The following CELF2 variants were observed in gnomAD, a reference collection of about 807,000 sequenced individuals.
CELF2 encodes the protein CUGBP Elav-like family member 2, also known as CUG triplet repeat RNA-binding protein 2.
In CELF2, 8 loss-of-function variants were observed where a neutral mutation model predicts 62.6. The observed-to-expected ratio is 0.13, with a 90% CI of 0.07 to 0.23. The LOEUF is 0.23. Among genes scored for constraint, CELF2 ranks in the 10% least tolerant of loss-of-function variants. The pLI is 1.00. For synonymous variants in CELF2, 258 were observed against 250.0 expected (o/e 1.03, Z -0.30); for missense variants, 333 against 671.0 (o/e 0.50, Z 5.56).
the CELF2 span, among the ~76,000 whole-genome samples, chr10:10,500,659 A>G: frequency 6.6e-6 from 1 of 152,114 alleles, no homozygotes; most frequent in Non-Finnish European, 1.5e-5. Context: ...TGTCTTTCTC[A>G]GCAGCATGAA....
At chr10:11,034,437 G>A (rs1593610469) in intron 1 of CELF2, among the ~76,000 whole-genome samples, 1 of 152,222 alleles carries the variant, frequency 6.6e-6, no homozygotes, top group African/African-American at 2.4e-5. Flanking sequence ...AAGAACACTG[G>A]AAGAAACTGT....
At chr10:11,294,938 G>A (rs1246961408) in intron 9 of CELF2, among the ~76,000 whole-genome samples, 3 of 152,084 alleles carry the variant, frequency 2.0e-5, no homozygotes, top group Admixed American at 6.5e-5. Context: ...TCTGTCAAAC[G>A]TCTTTTCATT....
upstream of CELF2, among the ~76,000 whole-genome samples, chr10:11,014,165 TA>T (rs1320684677): frequency 6.6e-6 from 1 of 152,170 alleles, no homozygotes; most frequent in African/African-American, 2.4e-5. Context: ...GCAAATGTGA[TA>T]GGGGAAAGAT....
intron 1 of CELF2, among the ~76,000 whole-genome samples, chr10:10,912,960 T>C (rs1591827138): frequency 6.6e-6 from 1 of 152,196 alleles, no homozygotes. Flanking sequence ...TTTCTAAGGA[T>C]TAAGTGAGTG....
rs1217462863 is a variant in CELF2, at chr10:11,227,894, A to G, written c.354+10387A>G. ...ACTGTGGGTCGCTGGGTGTATTTTA[A>G]TCTGTGACATTCCACACTTTGTGTA... On this transcript the variant is annotated intron_variant, in intron 3 of 12. Coordinates refer to ENST00000633077, the MANE Select transcript of CELF2 (RefSeq NM_001326342.2). This position sits in a 1 kb window ranked among gnomAD's most constrained non-coding sequence, Gnocchi z 4.8. Among the ~76,000 whole-genome samples, 2 of 152,154 alleles carry G rather than the reference A, an allele frequency of 1.3e-5. No homozygotes were observed. The highest frequency in any genetic ancestry group is 2.4e-5 in the African/African-American group (1 of 41,436).
At chr10:10,801,075 T>TA (rs57647636) in intron 1 of CELF2, among the ~76,000 whole-genome samples, 80,698 of 150,716 alleles carry the variant, frequency 0.54, 21,543 homozygotes, top group African/African-American at 0.57. Context: ...AACCCGTTTT[T>TA]AAAAAAAAAA....
At chr10:10,910,699 C>CAAAAAAAAAAAAAA (rs55954207) in intron 1 of CELF2, among the ~76,000 whole-genome samples, 1 of 92,240 alleles carries the variant, frequency 1.1e-5, no homozygotes, top group African/African-American at 3.9e-5. Flanking sequence ...GACTCTGCCT[C>CAAAAAAAAAAAAAA]AAAAAAAAAA....
the CELF2 span, among the ~76,000 whole-genome samples, chr10:10,556,035 AT>A: frequency 1.5e-4 from 23 of 151,738 alleles, no homozygotes; most frequent in African/African-American, 3.6e-4. Flanking sequence ...ACATTTTAAA[AT>A]TTTTTTTTAT....
At position 11,331,647 on chromosome 10, in the gene CELF2, C is replaced by T. The variant is rs1387606872; in HGVS notation, c.*2594C>T. The T allele has an allele frequency of 1.3e-5, 2 of 151,888 alleles. No homozygotes were observed. The highest frequency in any genetic ancestry group is 2.4e-5 in the African/African-American group (1 of 41,250). The allele number at this position is 151,888 out of a possible 1,614,324, so 9.4% of individuals were successfully genotyped here. Reference sequence around the variant, plus strand: ...AAAAAAAGGTTACAAAGTTTGTTAACTTGCTATCCTGTGGTCTTGTTGCCT... The same window carrying T: ...AAAAAAAGGTTACAAAGTTTGTTAATTTGCTATCCTGTGGTCTTGTTGCCT... On this transcript the variant is annotated 3_prime_UTR_variant, in exon 13 of 13. Transcript: ENST00000633077.
chr10:11,293,588 G>T (rs552686714), intron 9 of CELF2, among the ~76,000 whole-genome samples: 1 of 152,168 alleles, frequency 6.6e-6, no homozygotes, highest in Non-Finnish European at 1.5e-5. Flanking sequence ...TTCTGCAGAC[G>T]TCACCCCTCT....
intron 1 of CELF2, among the ~76,000 whole-genome samples, chr10:10,880,726 G>C (rs1414846567): frequency 6.6e-6 from 1 of 152,224 alleles, no homozygotes; most frequent in Admixed American, 6.5e-5. Flanking sequence ...TTTAGGCAGA[G>C]TGGAGTGGAA....
At chr10:11,266,335 A>G (rs7072651) in intron 5 of CELF2, among the ~76,000 whole-genome samples, 11,155 of 152,278 alleles carry the variant, frequency 0.073, 439 homozygotes, top group Middle Eastern at 0.2. Flanking sequence ...ACAGTACCCA[A>G]CTTCCTCCCC....
intron 1 of CELF2, among the ~76,000 whole-genome samples, chr10:10,912,015 C>A (rs950270993): frequency 6.6e-6 from 1 of 152,230 alleles, no homozygotes; most frequent in Non-Finnish European, 1.5e-5. Flanking sequence ...CAAACACAGG[C>A]TGCCCTTCTT....
chr10:10,865,516 T>A (rs2060299483), intron 1 of CELF2, among the ~76,000 whole-genome samples: 1 of 152,218 alleles, frequency 6.6e-6, no homozygotes, highest in Admixed American at 6.5e-5. Flanking sequence ...CAACGAGTTT[T>A]ATTAGCCTTA....
chr10:11,178,058 C>T lies in CELF2; in HGVS notation c.271+12376C>T, dbSNP rs113057446. 3.2e-4 allele frequency among the ~76,000 whole-genome samples: 48 copies of T among 152,336 alleles called. No homozygotes were observed. The highest frequency in any genetic ancestry group is 9.4e-4 in the African/African-American group (39 of 41,576). Reference sequence around the variant, plus strand: ...TCAGGTGTTTGCAAAGAGGTCAGATCCCTACACATGAAACGCTGCGGCCAC... The same window carrying T: ...TCAGGTGTTTGCAAAGAGGTCAGATTCCTACACATGAAACGCTGCGGCCAC... On this transcript the variant is annotated intron_variant, in intron 2 of 12. Transcript: ENST00000633077. This position sits in a 1 kb window ranked among gnomAD's most constrained non-coding sequence, Gnocchi z 4.3.
chr10:11,258,254 G>C (rs2079409362), intron 5 of CELF2, among the ~76,000 whole-genome samples: 1 of 152,212 alleles, frequency 6.6e-6, no homozygotes, highest in Non-Finnish European at 1.5e-5. Context: ...GCCTGTGCCT[G>C]AAAGAAATGT....
At chr10:10,599,810 C>A in the CELF2 span, among the ~76,000 whole-genome samples, 1 of 149,318 alleles carries the variant, frequency 6.7e-6, no homozygotes, top group Middle Eastern at 3.5e-3. Context: ...CGGCTCACTG[C>A]AAGCTCCACC....
intron 2 of CELF2, among the ~76,000 whole-genome samples, chr10:11,166,581 ATCTCTCAG>A (rs2067264454): frequency 6.6e-6 from 1 of 151,868 alleles, no homozygotes; most frequent in African/African-American, 2.4e-5. Flanking sequence ...TCTGTTGTTG[ATCTCTCAG>A]TCTCTCTACT....
the CELF2 span, among the ~76,000 whole-genome samples, chr10:10,664,099 AAGAT>A: frequency 6.6e-6 from 1 of 152,348 alleles, no homozygotes; most frequent in East Asian, 1.9e-4. Context: ...ACCTGAGTGA[AAGAT>A]AGGTAGGCAA....
Sources: allele counts gnomAD v4.1 joint callset (sites outside exome capture counted in the v4.1 genomes callset), GRCh38; gene constraint gnomAD v4.1.1; non-coding constraint Gnocchi (gnomAD v3.1); transcripts MANE v1.5; gene names NCBI Gene and HGNC (gene_info 2026-07-23, HGNC 2026-07-21).